NAV3: variants seen among roughly 807,000 people sequenced by gnomAD.
The protein encoded by NAV3 is neuron navigator 3.
NAV3 carries 87 observed loss-of-function variants against 244.7 expected under a neutral mutation model. That is an observed-to-expected ratio of 0.36 (90% CI 0.30 to 0.42). The LOEUF (loss-of-function observed/expected upper bound fraction) is 0.42. Among genes scored for constraint, NAV3 ranks in the 20% least tolerant of loss-of-function variants. NAV3 has a pLI of 1.00. For missense variants in NAV3, 2,663 were observed against 2,893.3 expected, an observed-to-expected ratio of 0.92 and a Z score of 1.83; for synonymous variants, 1,126 against 1,042.2, an observed-to-expected ratio of 1.08 and a Z score of -1.55.
chr12:78,150,620 C>A (rs1195242116), intron 22 of NAV3, among the ~76,000 whole-genome samples: 2 of 140,372 alleles, frequency 1.4e-5, no homozygotes, highest in Admixed American at 7.7e-5. Context: ...TACACACGTG[C>A]AAAAGCTTCC....
At chr12:78,204,745 T>G (rs993938063) in intron 38 of NAV3, among the ~76,000 whole-genome samples, 190 bp from the exon 39 acceptor site, 6 of 152,138 alleles carry the variant, frequency 3.9e-5, no homozygotes, top group Non-Finnish European at 1.5e-5. Flanking sequence ...TTGTCTAGCC[T>G]TCAAGTTTAA....
intron 1 of NAV3, among the ~76,000 whole-genome samples, chr12:77,904,028 C>T (rs549243830): frequency 0.018 from 2,690 of 152,098 alleles, 34 homozygotes; most frequent in Non-Finnish European, 0.03. Flanking sequence ...GAAATAGGAA[C>T]ACTTTTACAC....
intron 3 of NAV3, 119 bp from the exon 4 acceptor site, chr12:77,966,110 T>C (rs1892488019): frequency 4.7e-6 from 4 of 855,260 alleles, no homozygotes; most frequent in Admixed American, 2.2e-5. Flanking sequence ...TTAAGACTTC[T>C]AGTATGAAAT....
intron 2 of NAV3, among the ~76,000 whole-genome samples, chr12:77,688,730 A>G (rs1874870365): frequency 6.6e-6 from 1 of 151,882 alleles, no homozygotes; most frequent in Admixed American, 6.6e-5. Context: ...TGAGAGTTAG[A>G]TTGTAGAGTA....
intron 9 of NAV3, among the ~76,000 whole-genome samples, chr12:78,034,686 T>C (rs756267689): frequency 6.6e-6 from 1 of 152,222 alleles, no homozygotes; most frequent in Non-Finnish European, 1.5e-5. Context: ...AAATGTTAAA[T>C]ACATTGAAAT....
chr12:78,169,660 T>C (rs1422378043), intron 24 of NAV3, among the ~76,000 whole-genome samples: 1 of 151,808 alleles, frequency 6.6e-6, no homozygotes, highest in East Asian at 1.9e-4. Context: ...AAAAATTTTA[T>C]GAAGTCTTTC....
At chr12:77,751,756 G>A (rs1044770743) in intron 2 of NAV3, among the ~76,000 whole-genome samples, 4 of 152,126 alleles carry the variant, frequency 2.6e-5, no homozygotes, top group African/African-American at 9.7e-5. Context: ...TTATATCAAT[G>A]TGAGCATATA....
At chr12:78,198,923 A>ACAAAAAC (rs58844330) in intron 36 of NAV3, among the ~76,000 whole-genome samples, 1 of 147,780 alleles carries the variant, frequency 6.8e-6, no homozygotes, top group African/African-American at 2.5e-5. Flanking sequence ...AAAAACAAAA[A>ACAAAAAC]AAAAAAAAAA....
chr12:77,879,240 G>C (rs1314157106), intron 1 of NAV3, among the ~76,000 whole-genome samples: 1 of 152,112 alleles, frequency 6.6e-6, no homozygotes, highest in Non-Finnish European at 1.5e-5. Flanking sequence ...CGATTTTAGA[G>C]CAGCAAGTTG....
chr12:77,845,729 C>A (rs1000821796), intron 1 of NAV3, among the ~76,000 whole-genome samples: 3 of 150,978 alleles, frequency 2.0e-5, no homozygotes, highest in African/African-American at 7.3e-5. Context: ...TCTTGGCTCC[C>A]TGCAACATCC....
Position 77,831,157 on chromosome 12 carries a change from G to A in NAV3, c.-305G>A. 1 of 175,054 alleles carries A rather than the reference G, an allele frequency of 5.7e-6. No homozygotes were observed. Among genetic ancestry groups the A allele is most frequent in the African/African-American group, 2.5e-5 (1 of 39,486 alleles). The allele number at this position is 175,054 out of a possible 1,614,324, so 10.8% of individuals were successfully genotyped here. The stretch of plus-strand genomic sequence containing the variant: ...TAGATACTGAGTCACTGAACAGAGA[G>A]AGAGAGAGAGACAGAGAGAGAGAGA... On this transcript the variant is annotated 5_prime_UTR_variant, in exon 1 of 40. Coordinates refer to ENST00000397909, the MANE Select transcript of NAV3 (RefSeq NM_001024383.2).
intron 1 of NAV3, among the ~76,000 whole-genome samples, chr12:77,891,346 T>TA (rs1883915761): frequency 6.6e-6 from 1 of 150,662 alleles, no homozygotes; most frequent in South Asian, 2.1e-4. Context: ...TATAAATTTA[T>TA]AAAGATTACT....
rs71088342 is a variant in NAV3 at position 77,831,195 on chromosome 12, CAGAGAG to C, written c.-249_-244del. 1.0e-4 allele frequency: 15 copies of C among 145,186 alleles called. No individual in the cohort carries two copies. In the South Asian group the frequency reaches 1.6e-3, roughly 16 times the overall value. The allele number at this position is 145,186 out of a possible 1,614,324, so 9.0% of individuals were successfully genotyped here. On this transcript the variant is annotated 5_prime_UTR_variant, in exon 1 of 40. Transcript: ENST00000397909. ...AGAGAGAGAGAGAGAGAGAGAGAGA[CAGAGAG>C]AGAGAGAGAGAGAGAGAAAGAGAGA...
intron 18 of NAV3, among the ~76,000 whole-genome samples, chr12:78,134,522 A>G (rs1956292749): frequency 6.6e-6 from 1 of 152,202 alleles, no homozygotes; most frequent in Non-Finnish European, 1.5e-5. Context: ...CATATTTAAA[A>G]CAATATAATA....
intron 2 of NAV3, among the ~76,000 whole-genome samples, chr12:77,764,596 A>G (rs553627468): frequency 3.1e-4 from 47 of 152,356 alleles, no homozygotes; most frequent in African/African-American, 1.1e-3. Context: ...TTAATTTTCT[A>G]TATTACTTCA....
Position 77,911,354 on chromosome 12 carries a change from A to AT in NAV3, c.244-28960dup, listed in dbSNP as rs200036689. ...AATCTAACCTGTTGGCCAGCATAAC[A>AT]TTTTTCCACCAAGTAAATTTATAAT... is the stretch of plus-strand genomic sequence containing the variant. On this transcript the variant is annotated intron_variant, in intron 1 of 39. Transcript: ENST00000397909. Among the ~76,000 whole-genome samples the AT allele has an allele frequency of 5.4e-3, 821 of 152,186 alleles. 7 individuals carry two copies. The highest frequency in any genetic ancestry group is 7.9e-3 in the Non-Finnish European group (534 of 67,988).
intron 8 of NAV3, among the ~76,000 whole-genome samples, chr12:78,020,483 A>T (rs1189029262): frequency 6.6e-6 from 1 of 152,146 alleles, no homozygotes; most frequent in Admixed American, 6.5e-5. Flanking sequence ...GTCAGAAATT[A>T]TTGGAGTCCA....
intron 13 of NAV3, among the ~76,000 whole-genome samples, chr12:78,117,393 T>C (rs1593654033): frequency 2.9e-5 from 1 of 34,084 alleles, no homozygotes. Flanking sequence ...ATTATATAAA[T>C]ATATATTTAT....
Position 78,210,562 on chromosome 12 carries a change from G to A in NAV3, c.*45G>A. ...GAAAAGACTTTGCTTTTAAAAAAAT[G>A]TTTCAAAAGAAAGGTATTTTCACTA... is the stretch of plus-strand genomic sequence containing the variant. On this transcript the variant is annotated 3_prime_UTR_variant, in exon 40 of 40. Transcript: ENST00000397909. The A allele has an allele frequency of 5.0e-6, 8 of 1,599,732 alleles. No homozygotes were observed. The highest frequency in any genetic ancestry group is 6.8e-6 in the Non-Finnish European group (8 of 1,173,980).
Sources: allele counts gnomAD v4.1 joint callset (sites outside exome capture counted in the v4.1 genomes callset), GRCh38; gene constraint gnomAD v4.1.1; transcripts MANE v1.5; gene names NCBI Gene and HGNC (gene_info 2026-07-23, HGNC 2026-07-21).